The following LCORL variants were observed in gnomAD, a reference collection of about 807,000 sequenced individuals.
LCORL encodes the protein ligand-dependent nuclear receptor corepressor-like protein.
In LCORL, 41 loss-of-function variants were observed where a neutral mutation model predicts 141.8. The observed-to-expected ratio is 0.29, with a 90% CI of 0.23 to 0.38. The LOEUF (loss-of-function observed/expected upper bound fraction) is 0.38. Among genes scored for constraint, LCORL ranks in the 10% least tolerant of loss-of-function variants. The probability of loss-of-function intolerance (pLI) is 1.00; values close to 1 mark genes in which losing one functional copy is unlikely to be tolerated. For missense variants in LCORL, 1,759 were observed against 2,035.0 expected (o/e 0.86, Z 2.61); for synonymous variants, 618 against 694.1 (o/e 0.89, Z 1.72).
chr4:17,904,659 C>T (rs1004065676), intron 5 of LCORL, among the ~76,000 whole-genome samples: 8 of 152,040 alleles, frequency 5.3e-5, no homozygotes, highest in Non-Finnish European at 7.4e-5. Context: ...TATCTTTCCC[C>T]GTGATTTATA....
At chr4:17,855,048 C>T (rs959860324) in intron 7 of LCORL, among the ~76,000 whole-genome samples, 8 of 151,974 alleles carry the variant, frequency 5.3e-5, no homozygotes, top group African/African-American at 1.4e-4. Flanking sequence ...CAAGAATTCA[C>T]AAGAAAACAT....
At chr4:17,875,443 G>T in exon 7 of LCORL, 1 of 1,231,248 alleles carries the variant, frequency 8.1e-7, no homozygotes, top group Non-Finnish European at 1.0e-6. Flanking sequence ...ATATTTCTGG[G>T]ACTATTATAT....
intron 1 of LCORL, among the ~76,000 whole-genome samples, chr4:17,992,325 G>T (rs1720169243): frequency 6.6e-6 from 1 of 152,158 alleles, no homozygotes; most frequent in African/African-American, 2.4e-5. Flanking sequence ...AGAACAGCAT[G>T]GAGGAACCGC....
chr4:17,865,758 C>G (rs376340963), intron 7 of LCORL, among the ~76,000 whole-genome samples: 1 of 152,112 alleles, frequency 6.6e-6, no homozygotes, highest in South Asian at 2.1e-4. Flanking sequence ...TGGGCCCCAC[C>G]CCATACTCAA....
chr4:17,879,642 A>G (rs1342476274), intron 6 of LCORL, among the ~76,000 whole-genome samples: 1 of 151,010 alleles, frequency 6.6e-6, no homozygotes, highest in East Asian at 1.9e-4. Flanking sequence ...TTTAAAAAAT[A>G]TATGTAGAGA....
intron 5 of LCORL, among the ~76,000 whole-genome samples, chr4:17,890,043 T>A (rs1298603926): frequency 6.6e-6 from 1 of 152,032 alleles, no homozygotes; most frequent in East Asian, 1.9e-4. Flanking sequence ...TTCTCTGCAG[T>A]CTATCTTATT....
At chr4:17,915,445 G>GTTAT (rs1394414308) in intron 4 of LCORL, among the ~76,000 whole-genome samples, 1 of 152,182 alleles carries the variant, frequency 6.6e-6, no homozygotes, top group African/African-American at 2.4e-5. Context: ...AAAGTAATCT[G>GTTAT]TTATAGAGTC....
At chr4:17,858,682 C>T (rs553538368) in intron 7 of LCORL, among the ~76,000 whole-genome samples, 17 of 151,776 alleles carry the variant, frequency 1.1e-4, no homozygotes, top group Admixed American at 4.6e-4. Context: ...GAGCCAAGAT[C>T]GCGCCATTGC....
At chr4:17,941,412 T>C (rs757279091) in intron 4 of LCORL, among the ~76,000 whole-genome samples, 5 of 151,968 alleles carry the variant, frequency 3.3e-5, no homozygotes, top group Non-Finnish European at 5.9e-5. Context: ...TGAGCCGAGA[T>C]TGCACCATTG....
intron 4 of LCORL, among the ~76,000 whole-genome samples, chr4:17,953,722 C>G (rs542054613): frequency 1.3e-5 from 2 of 152,294 alleles, no homozygotes; most frequent in African/African-American, 4.8e-5. Flanking sequence ...TTTAAATGCA[C>G]TCAATTAACT....
chr4:17,847,296 T>G (rs1367031653), intron 7 of LCORL, among the ~76,000 whole-genome samples: 1 of 152,200 alleles, frequency 6.6e-6, no homozygotes, highest in Non-Finnish European at 1.5e-5. Flanking sequence ...AGCAATGAGG[T>G]TCAGGGTCTC....
chr4:17,960,545 A>G (rs1257809665), intron 4 of LCORL, among the ~76,000 whole-genome samples: 1 of 152,188 alleles, frequency 6.6e-6, no homozygotes, highest in African/African-American at 2.4e-5. Context: ...TACAAGTCTG[A>G]TAACATAATT....
At chr4:18,003,500 A>G (rs74536181) in intron 1 of LCORL, among the ~76,000 whole-genome samples, 4,063 of 152,316 alleles carry the variant, frequency 0.027, 97 homozygotes, top group Middle Eastern at 0.041. Flanking sequence ...GAGAGAGATC[A>G]AGAGTTAACT....
chr4:17,981,919 T>C (rs1470200896), intron 1 of LCORL, among the ~76,000 whole-genome samples: 5 of 152,092 alleles, frequency 3.3e-5, no homozygotes, highest in African/African-American at 1.2e-4. Context: ...CTCAAGCAGG[T>C]CCCAATGTCT....
chr4:17,988,693 A>T (rs560705342), intron 1 of LCORL, among the ~76,000 whole-genome samples: 3 of 152,294 alleles, frequency 2.0e-5, no homozygotes, highest in African/African-American at 7.2e-5. Flanking sequence ...ACTTAAAAAT[A>T]ATCTTGTTTC....
intron 5 of LCORL, among the ~76,000 whole-genome samples, chr4:17,904,603 C>T (rs566720573): frequency 6.6e-6 from 1 of 152,142 alleles, no homozygotes; most frequent in South Asian, 2.1e-4. Flanking sequence ...CGCCCCTTAT[C>T]CCCCTTTTGG....
intron 5 of LCORL, among the ~76,000 whole-genome samples, chr4:17,891,584 T>A (rs1226060116): frequency 6.6e-6 from 1 of 152,136 alleles, no homozygotes; most frequent in Non-Finnish European, 1.5e-5. Context: ...CAGTAAGGCA[T>A]TAATAAAGCA....
chr4:17,851,843 A>G (rs928162909), intron 7 of LCORL, among the ~76,000 whole-genome samples: 1 of 152,172 alleles, frequency 6.6e-6, no homozygotes. Context: ...GTATAATAAA[A>G]CTTACAGATC....
chr4:17,959,885 C>A (rs1713440303), intron 4 of LCORL, among the ~76,000 whole-genome samples: 1 of 152,036 alleles, frequency 6.6e-6, no homozygotes, highest in African/African-American at 2.4e-5. Flanking sequence ...GAAGTATTTC[C>A]TGTCTTTAAA....
Sources: allele counts gnomAD v4.1 joint callset (sites outside exome capture counted in the v4.1 genomes callset), GRCh38; gene constraint gnomAD v4.1.1; transcripts MANE v1.5; gene names NCBI Gene and HGNC (gene_info 2026-07-23, HGNC 2026-07-21).